CHODL: variants seen among roughly 807,000 people sequenced by gnomAD.
The protein encoded by CHODL is transmembrane protein MT75.
In CHODL, 29 loss-of-function variants were observed where a neutral mutation model predicts 34.5. The observed-to-expected ratio is 0.84, with a 90% CI of 0.63 to 1.15. The LOEUF (loss-of-function observed/expected upper bound fraction) is 1.15. Among genes scored for constraint, CHODL ranks in the 50% most tolerant of loss-of-function variants. CHODL has a pLI of 0.00. For missense variants in CHODL, 332 were observed against 332.5 expected (o/e 1.00, Z 0.01); for synonymous variants, 125 against 116.1 (o/e 1.08, Z -0.49).
At chr21:18,226,538 G>A (rs908012373) in intron 2 of CHODL, among the ~76,000 whole-genome samples, 5 of 151,996 alleles carry the variant, frequency 3.3e-5, no homozygotes, top group African/African-American at 1.2e-4. Flanking sequence ...ACCTCAATTG[G>A]TCTGCCCGCC....
chr21:18,236,655 G>T (rs912316560), intron 2 of CHODL, among the ~76,000 whole-genome samples: 1 of 151,930 alleles, frequency 6.6e-6, no homozygotes, highest in Admixed American at 6.6e-5. Context: ...AAGTGAGCAG[G>T]CAGTTTCATA....
Position 18,260,198 on chromosome 21 carries a change from A to C in CHODL, c.548-2A>C. 1 of 1,499,090 alleles carries C rather than the reference A, an allele frequency of 6.7e-7. No homozygotes were observed. The highest frequency in any genetic ancestry group is 9.0e-7 in the Non-Finnish European group (1 of 1,111,942). 92.9% of individuals were successfully genotyped at this position (1,499,090 alleles called of 1,614,324 possible). On this transcript the variant is annotated splice_acceptor_variant, in intron 3 of 5. Transcript: ENST00000299295. LOFTEE classifies it high-confidence loss of function. ...TATGATGGTGGTTCTTATTATTTAC[A>C]GAGATTAATCCAACAGCCCCTGTAG...
intron 2 of CHODL, among the ~76,000 whole-genome samples, chr21:18,165,250 G>GA (rs745621981): frequency 6.6e-6 from 1 of 152,136 alleles, no homozygotes; most frequent in Non-Finnish European, 1.5e-5. Context: ...CCTCTTGACA[G>GA]AAAAAATCAC....
At chr21:18,252,509 T>G (rs1335425972) in intron 1 of CHODL, among the ~76,000 whole-genome samples, 3 of 152,074 alleles carry the variant, frequency 2.0e-5, no homozygotes, top group Non-Finnish European at 4.4e-5. Flanking sequence ...AGTAGCCAAA[T>G]GTGATCAGCT....
At chr21:18,020,931 C>T (rs1479916734) in intron 1 of CHODL, among the ~76,000 whole-genome samples, 1 of 152,024 alleles carries the variant, frequency 6.6e-6, no homozygotes, top group Non-Finnish European at 1.5e-5. Flanking sequence ...TAGCAAGACC[C>T]CCTTCTCTCT....
intron 1 of CHODL, among the ~76,000 whole-genome samples, chr21:18,011,395 ATT>A (rs1267673613): frequency 6.6e-6 from 1 of 152,210 alleles, no homozygotes; most frequent in Non-Finnish European, 1.5e-5. Flanking sequence ...ATAAATGAGT[ATT>A]TTAAAGCAAA....
intron 1 of CHODL, among the ~76,000 whole-genome samples, chr21:17,973,417 CTTTTTT>C (rs3077803): frequency 2.4e-5 from 3 of 123,492 alleles, no homozygotes; most frequent in Non-Finnish European, 4.9e-5. Flanking sequence ...TTCTTTCTTT[CTTTTTT>C]TTTTTTTTTT....
rs117785339 is a variant in CHODL, at chr21:18,192,288, A to G, written c.-44-64221A>G. 3.5e-4 allele frequency among the ~76,000 whole-genome samples: 54 copies of G among 152,338 alleles called. 1 individual carries two copies. In the East Asian group the frequency reaches 8.9e-3, roughly 25 times the overall value. ...TTTTATGAAGGGTATCCAGACATTC[A>G]CAGGACAGTAATGAACTTTTTTTTG... is the stretch of plus-strand genomic sequence containing the variant. On this transcript the variant is annotated intron_variant, in intron 2 of 6. Coordinates refer to the CHODL transcript ENST00000400127.
At chr21:17,982,768 C>T (rs368777180) in intron 1 of CHODL, among the ~76,000 whole-genome samples, 25 of 130,408 alleles carry the variant, frequency 1.9e-4, no homozygotes, top group African/African-American at 7.4e-4. Context: ...AGTGCAGTGG[C>T]AGGATCTTGG....
intron 1 of CHODL, among the ~76,000 whole-genome samples, chr21:18,014,797 T>C (rs2064055751): frequency 1.3e-5 from 2 of 152,250 alleles, no homozygotes; most frequent in Non-Finnish European, 1.5e-5. Flanking sequence ...TCATGCCTCC[T>C]GTAAGTCCTG....
chr21:17,934,968 TATA>T (rs1442474699), intron 1 of CHODL, among the ~76,000 whole-genome samples: 5 of 152,294 alleles, frequency 3.3e-5, no homozygotes, highest in Admixed American at 3.3e-4. Flanking sequence ...GGAACAAAAA[TATA>T]ATAAGTACTA....
At chr21:18,179,074 G>GCACATA (rs780551117) in intron 2 of CHODL, among the ~76,000 whole-genome samples, 20 of 152,050 alleles carry the variant, frequency 1.3e-4, no homozygotes, top group Non-Finnish European at 2.4e-4. Flanking sequence ...CCACCCCCAA[G>GCACATA]CACATAAACT....
intron 2 of CHODL, among the ~76,000 whole-genome samples, chr21:18,167,923 C>T (rs1212597005): frequency 6.6e-6 from 1 of 152,102 alleles, no homozygotes; most frequent in Non-Finnish European, 1.5e-5. Flanking sequence ...GCAGACTCAC[C>T]CTCAATCTGG....
intron 4 of CHODL, 107 bp from the exon 5 acceptor site, chr21:18,262,684 T>G: frequency 1.5e-6 from 1 of 668,390 alleles, no homozygotes; most frequent in Non-Finnish European, 2.7e-6. Flanking sequence ...GGGGTCAATT[T>G]ATTGAAAATT....
At chr21:18,125,969 C>A (rs370421103) in intron 2 of CHODL, among the ~76,000 whole-genome samples, 10 of 152,128 alleles carry the variant, frequency 6.6e-5, no homozygotes, top group African/African-American at 2.4e-4. Context: ...GGAAATCTTT[C>A]ATGAAATGAA....
chr21:18,170,287 T>C (rs1432803100), intron 2 of CHODL, among the ~76,000 whole-genome samples: 1 of 152,102 alleles, frequency 6.6e-6, no homozygotes, highest in Non-Finnish European at 1.5e-5. Flanking sequence ...TTTTCATCTT[T>C]TATTTTCAAT....
chr21:17,991,533 T>C (rs995506183), intron 1 of CHODL, among the ~76,000 whole-genome samples: 1 of 152,186 alleles, frequency 6.6e-6, no homozygotes, highest in Non-Finnish European at 1.5e-5. Context: ...TTGTGGCTTT[T>C]ATTTGTATTC....
At chr21:18,001,422 T>C (rs1167869551) in intron 1 of CHODL, among the ~76,000 whole-genome samples, 2 of 152,238 alleles carry the variant, frequency 1.3e-5, no homozygotes, top group Non-Finnish European at 2.9e-5. Context: ...CACAGGGCTC[T>C]AGACAAATGG....
chr21:18,182,948 A>G (rs1433455718), intron 2 of CHODL, among the ~76,000 whole-genome samples: 12 of 152,188 alleles, frequency 7.9e-5, no homozygotes, highest in Non-Finnish European at 1.5e-5. Context: ...CCAAGAGGGT[A>G]GCTTCCTGCC....
Sources: allele counts gnomAD v4.1 joint callset (sites outside exome capture counted in the v4.1 genomes callset), GRCh38; gene constraint gnomAD v4.1.1; transcripts MANE v1.5; gene names NCBI Gene and HGNC (gene_info 2026-07-23, HGNC 2026-07-21).